FAM53A: variants seen among roughly 807,000 people sequenced by gnomAD.
The protein encoded by FAM53A is family with sequence similarity 53 member A.
A neutral mutation model predicts 26.6 loss-of-function variants in FAM53A; 28 were observed. The observed-to-expected ratio is 1.05, with a 90% CI of 0.78 to 1.45. The LOEUF is 1.45. Ranked by LOEUF, FAM53A falls within the 40% of genes most tolerant of loss-of-function variation. The pLI, the probability that FAM53A is intolerant of heterozygous loss-of-function variation, is 0.00. For synonymous variants in FAM53A, 290 were observed against 253.1 expected, an observed-to-expected ratio of 1.15 and a Z score of -1.38; for missense variants, 650 against 575.8, an observed-to-expected ratio of 1.13 and a Z score of -1.32.
chr4:1,676,738 G>A (rs1427960304), intron 1 of FAM53A, among the ~76,000 whole-genome samples: 3 of 152,260 alleles, frequency 2.0e-5, no homozygotes, highest in South Asian at 4.1e-4. Flanking sequence ...CTGGCTTGAA[G>A]GCACGTCACG....
rs1195899116 is a variant in FAM53A at position 1,655,451 on chromosome 4, A to AG, written c.408dup (p.Trp137LeufsTer141). ...CAGACCTTGGAGCTGCCGGGGCGCC[A>AG]GGGGGACCGGCAGCGCACAAGCTCC... On this transcript the variant is annotated frameshift_variant, in exon 4 of 5. Transcript: ENST00000308132. LOFTEE classifies it high-confidence loss of function. 6.5e-7 allele frequency: 1 copy of AG among 1,539,854 alleles called. No individual in the cohort carries two copies. The highest frequency in any genetic ancestry group is 1.2e-5 in the South Asian group (1 of 82,578).
At chr4:1,636,886 G>GGC (rs199643398), downstream of FAM53A, among the ~76,000 whole-genome samples, 1,708 of 151,902 alleles carry the variant, frequency 0.011, 16 homozygotes, top group Non-Finnish European at 0.019. Flanking sequence ...GCTCTTGCTG[G>GGC]GGGGGGGTCC....
intron 1 of FAM53A, among the ~76,000 whole-genome samples, chr4:1,682,967 G>A (rs1393699920): frequency 6.6e-6 from 1 of 152,162 alleles, no homozygotes; most frequent in Non-Finnish European, 1.5e-5. Flanking sequence ...ACACAACAGA[G>A]GGACAAAGCT....
intron 1 of FAM53A, among the ~76,000 whole-genome samples, chr4:1,624,979 AG>A (rs1286333061): frequency 7.4e-4 from 93 of 125,284 alleles, no homozygotes; most frequent in Middle Eastern, 4.5e-3. Flanking sequence ...CCACGTGGTC[AG>A]GGGTCACACC....
At chr4:1,589,248 C>T in the FAM53A span, among the ~76,000 whole-genome samples, 1 of 152,222 alleles carries the variant, frequency 6.6e-6, no homozygotes, top group African/African-American at 2.4e-5. Flanking sequence ...TCATGCAATT[C>T]TTCCCCTCTA....
chr4:1,620,820 A>G (rs1714994753), intron 1 of FAM53A, among the ~76,000 whole-genome samples: 1 of 152,190 alleles, frequency 6.6e-6, no homozygotes, highest in African/African-American at 2.4e-5. Context: ...ACTGCCATCA[A>G]CACGGTAGCA....
the FAM53A span, among the ~76,000 whole-genome samples, chr4:1,602,670 C>T: frequency 0.029 from 4,421 of 152,286 alleles, 222 homozygotes; most frequent in African/African-American, 0.1. Context: ...CCTCCGCGCG[C>T]CCCCTCCCCG....
chr4:1,597,247 C>T, the FAM53A span, among the ~76,000 whole-genome samples: 2 of 152,056 alleles, frequency 1.3e-5, no homozygotes, highest in South Asian at 2.1e-4. Context: ...GGGTCCCCCT[C>T]GAGGGTCCCC....
At chr4:1,644,328 G>A (rs1712040810) in intron 4 of FAM53A, 3 of 1,535,828 alleles carry the variant, frequency 2.0e-6, no homozygotes, top group Non-Finnish European at 2.6e-6. Flanking sequence ...CGCACTCGCG[G>A]GCACAGCTGT....
chr4:1,605,627 CG>C, the FAM53A span, among the ~76,000 whole-genome samples: 38,775 of 151,944 alleles, frequency 0.26, 5,340 homozygotes, highest in East Asian at 0.49. The surrounding 1 kb of genome is among the most constrained non-coding windows in gnomAD (Gnocchi z 5.7). Flanking sequence ...CGCGGCTCCT[CG>C]GGGTGCCTCC....
At chr4:1,614,256 G>A (rs1044052685), downstream of FAM53A, among the ~76,000 whole-genome samples, 3 of 152,094 alleles carry the variant, frequency 2.0e-5, no homozygotes, top group Non-Finnish European at 4.4e-5. Context: ...GGGGCTCCAC[G>A]GCCCCACTTC....
At chr4:1,676,074 T>G (rs1328496686) in intron 1 of FAM53A, among the ~76,000 whole-genome samples, 1 of 152,252 alleles carries the variant, frequency 6.6e-6, no homozygotes, top group Non-Finnish European at 1.5e-5. Context: ...TCGATCCACA[T>G]GCAGTCAGAT....
chr4:1,657,431 C>A lies in FAM53A; in HGVS notation c.113G>T (p.Arg38Leu). Residue 38 changes from arginine to leucine, a missense_variant, in exon 3 of 5, where the codon CGT (arginine) becomes CTT (leucine). Arg to Leu is a moderately radical substitution (Grantham distance 102, BLOSUM62 -2). Coordinates refer to ENST00000308132, the MANE Select transcript of FAM53A (RefSeq NM_001174070.3). ...YSAETLNKSG[R>L]LFPLELNDQS... ...ACCGTTGAGCTCCAAAGGGAACAGA[C>A]GACCGCTCTTGTTCAGGGTTTCCGC... 6.2e-7 allele frequency: 1 copy of A among 1,613,824 alleles called. No homozygotes were observed. The highest frequency in any genetic ancestry group is 8.5e-7 in the Non-Finnish European group (1 of 1,179,844).
intron 4 of FAM53A, among the ~76,000 whole-genome samples, chr4:1,649,038 G>C (rs1712494523): frequency 6.6e-6 from 1 of 152,096 alleles, no homozygotes; most frequent in African/African-American, 2.4e-5. Context: ...TCTGGAATCT[G>C]GGAGGCAGAG....
At chr4:1,639,764 C>T (rs956280371), downstream of FAM53A, 1 of 152,272 alleles carries the variant, frequency 6.6e-6, no homozygotes, top group East Asian at 1.9e-4. Flanking sequence ...ACACCACTCG[C>T]CACCTTTGCC....
chr4:1,581,642 G>A, the FAM53A span, among the ~76,000 whole-genome samples: 1 of 152,294 alleles, frequency 6.6e-6, no homozygotes, highest in Non-Finnish European at 1.5e-5. Context: ...TGTCGCCCAG[G>A]CTGGAGTGCA....
intron 4 of FAM53A, among the ~76,000 whole-genome samples, chr4:1,644,011 G>T (rs557326598): frequency 1.3e-5 from 2 of 152,346 alleles, no homozygotes; most frequent in African/African-American, 2.4e-5. Flanking sequence ...TGAGGATGTG[G>T]CTGGTCTGCT....
chr4:1,666,434 A>G (rs1714241486), intron 2 of FAM53A, among the ~76,000 whole-genome samples: 1 of 151,666 alleles, frequency 6.6e-6, no homozygotes, highest in Admixed American at 6.6e-5. Flanking sequence ...CTAAAATAAA[A>G]GCTGAAAAAA....
chr4:1,574,865 C>T, the FAM53A span, among the ~76,000 whole-genome samples: 10 of 152,348 alleles, frequency 6.6e-5, no homozygotes, highest in East Asian at 1.9e-4. Flanking sequence ...CCGGACGGAC[C>T]GGCTGCCCGA....
Sources: gnomAD v4.1 joint callset for allele counts (sites outside exome capture counted in the v4.1 genomes callset) on GRCh38, gnomAD v4.1.1 for gene constraint, Gnocchi (gnomAD v3.1) non-coding constraint, MANE v1.5 for transcripts, NCBI Gene and HGNC (gene_info 2026-07-23, HGNC 2026-07-21) for gene names.